DGKG: variants seen among roughly 807,000 people sequenced by gnomAD.
The protein encoded by DGKG is diacylglycerol kinase gamma.
Under a neutral mutation model 105.3 loss-of-function variants are expected in DGKG, and 78 were observed. The ratio of observed to expected loss-of-function variants is 0.74; its 90% CI spans 0.62 to 0.89. DGKG has a LOEUF of 0.89. Ranked by LOEUF, DGKG falls within the 40% of genes least tolerant of loss-of-function variation. The pLI, the probability that DGKG is intolerant of heterozygous loss-of-function variation, is 0.00. For missense variants in DGKG, 958 were observed against 1,020.1 expected (o/e 0.94, Z 0.83); for synonymous variants, 346 against 367.1 (o/e 0.94, Z 0.66).
intron 1 of DGKG, among the ~76,000 whole-genome samples, chr3:186,334,440 C>T (rs1174345963): frequency 6.6e-6 from 1 of 151,986 alleles, no homozygotes; most frequent in African/African-American, 2.4e-5. Flanking sequence ...GCCTCTTCCT[C>T]CACCAACCAG....
At position 186,306,952 on chromosome 3, in the gene DGKG, G is replaced by C. The variant is rs770499459; in HGVS notation, c.93C>G (p.Ala31=). ...TCCCACCCTCATTAAATTCAGTCAAGGCATCTTTTATCTTCTTGGAGGAAT... is the reference window on the plus strand; with the variant it reads ...TCCCACCCTCATTAAATTCAGTCAACGCATCTTTTATCTTCTTGGAGGAAT... ...SEYSSKKIKD[A]LTEFNEGGSL... is the part of the protein sequence containing the mutation. The change falls in exon 3 of 25, where the codon GCC becomes GCG. Residue 31 remains alanine, a synonymous_variant. Coordinates refer to ENST00000265022, the MANE Select transcript of DGKG (RefSeq NM_001346.3). 12 of 1,612,812 alleles carry C rather than the reference G, an allele frequency of 7.4e-6. 1 individual carries two copies. In the South Asian group the frequency reaches 1.3e-4, roughly 18 times the overall value.
intron 17 of DGKG, among the ~76,000 whole-genome samples, chr3:186,256,532 C>T (rs765886052): frequency 1.3e-5 from 2 of 152,224 alleles, no homozygotes; most frequent in Non-Finnish European, 2.9e-5. Context: ...ACTGATCTCC[C>T]CGCTTCTGCC....
chr3:186,334,521 C>T (rs866273105), intron 1 of DGKG, among the ~76,000 whole-genome samples: 3 of 152,350 alleles, frequency 2.0e-5, no homozygotes, highest in African/African-American at 7.2e-5. Flanking sequence ...GGTGCATACA[C>T]CTCATGCCTA....
intron 1 of DGKG, among the ~76,000 whole-genome samples, chr3:186,336,354 A>G (rs1368871755): frequency 6.6e-6 from 1 of 152,222 alleles, no homozygotes; most frequent in Non-Finnish European, 1.5e-5. Flanking sequence ...ATTAAGAAAA[A>G]GATCCATGCA....
chr3:186,212,433 A>C (rs539440441), intron 20 of DGKG, among the ~76,000 whole-genome samples: 1 of 152,274 alleles, frequency 6.6e-6, no homozygotes, highest in African/African-American at 2.4e-5. Context: ...TTAGATACAG[A>C]CTTGCAGGCA....
intron 1 of DGKG, among the ~76,000 whole-genome samples, chr3:186,333,560 A>ATG (rs1379686801): frequency 6.6e-6 from 1 of 152,150 alleles, no homozygotes; most frequent in African/African-American, 2.4e-5. Flanking sequence ...TCCAATCTGG[A>ATG]TGTGTTTTTC....
intron 5 of DGKG, among the ~76,000 whole-genome samples, chr3:186,295,437 G>A (rs1723503039): frequency 6.6e-6 from 1 of 151,670 alleles, no homozygotes; most frequent in South Asian, 2.1e-4. Context: ...GGGAGGCGGA[G>A]GTCTCAGGGA....
intron 22 of DGKG, among the ~76,000 whole-genome samples, chr3:186,185,380 A>G (rs1302499396): frequency 6.6e-6 from 1 of 152,222 alleles, no homozygotes; most frequent in African/African-American, 2.4e-5. Flanking sequence ...TTTGGGGAAG[A>G]GAGTTCCTGT....
intron 12 of DGKG, 88 bp downstream of exon 12, chr3:186,268,713 C>T (rs765094653): frequency 4.3e-6 from 4 of 937,372 alleles, no homozygotes; most frequent in Non-Finnish European, 6.8e-6. Flanking sequence ...TTGCTCATGC[C>T]CTCTGGCCGG....
At chr3:186,311,070 C>T (rs1724518438) in intron 2 of DGKG, among the ~76,000 whole-genome samples, 1 of 152,184 alleles carries the variant, frequency 6.6e-6, no homozygotes, top group East Asian at 1.9e-4. Flanking sequence ...ATGAAAGTGG[C>T]TCTCAAACCT....
rs565831184 is a variant in DGKG at position 186,305,659 on chromosome 3, G to C, written c.144+1242C>G. 4.6e-5 allele frequency among the ~76,000 whole-genome samples: 7 copies of C among 152,298 alleles called. No homozygotes were observed. The East Asian group carries it at 1.2e-3, about 25-fold the overall frequency. On this transcript the variant is annotated intron_variant, in intron 3 of 24. Transcript: ENST00000265022. ...CAGGGAGATGAGTTAGGAGACTCTTGCAATAATCTGGGCAAAATATGGTGA... is the reference window on the plus strand; with the variant it reads ...CAGGGAGATGAGTTAGGAGACTCTTCCAATAATCTGGGCAAAATATGGTGA...
At chr3:186,259,138 A>T (rs909268582) in intron 16 of DGKG, among the ~76,000 whole-genome samples, 1 of 152,196 alleles carries the variant, frequency 6.6e-6, no homozygotes, top group Non-Finnish European at 1.5e-5. Context: ...TTCTGAACAG[A>T]CGCTCCCTCC....
At chr3:186,310,357 A>G (rs1724482910) in intron 2 of DGKG, among the ~76,000 whole-genome samples, 1 of 151,478 alleles carries the variant, frequency 6.6e-6, no homozygotes, top group Non-Finnish European at 1.5e-5. Flanking sequence ...TACTCATCAC[A>G]CATTTACTTC....
intron 21 of DGKG, among the ~76,000 whole-genome samples, chr3:186,199,174 C>A (rs956945841): frequency 6.2e-4 from 94 of 152,266 alleles, no homozygotes; most frequent in African/African-American, 2.3e-3. Flanking sequence ...TTATCTGGAT[C>A]TCTTGACCTC....
intron 21 of DGKG, among the ~76,000 whole-genome samples, chr3:186,206,865 T>A (rs1718770091): frequency 6.6e-6 from 1 of 152,150 alleles, no homozygotes. Context: ...TTCTCCTGCC[T>A]CAGCCCCCCG....
chr3:186,349,232 C>A (rs537013558), intron 1 of DGKG, among the ~76,000 whole-genome samples: 1 of 151,974 alleles, frequency 6.6e-6, no homozygotes, highest in Non-Finnish European at 1.5e-5. Flanking sequence ...TTTTTCTTTT[C>A]CTGAAAAATT....
At chr3:186,307,237 G>C (rs1488498773) in intron 2 of DGKG, among the ~76,000 whole-genome samples, 10 of 152,120 alleles carry the variant, frequency 6.6e-5, no homozygotes, top group South Asian at 2.1e-4. Context: ...AGGGCTTTCT[G>C]TTCCCCCAGG....
At chr3:186,272,103 G>T in intron 11 of DGKG, 152 bp downstream of exon 11, 1 of 624,816 alleles carries the variant, frequency 1.6e-6, no homozygotes, top group Non-Finnish European at 2.9e-6. Flanking sequence ...TGAATGGATG[G>T]ATGGATGAAC....
chr3:186,153,190 T>C (rs151046805), intron 24 of DGKG, among the ~76,000 whole-genome samples: 1 of 152,212 alleles, frequency 6.6e-6, no homozygotes, highest in Non-Finnish European at 1.5e-5. Flanking sequence ...TGGATTCTAT[T>C]ACTATAGAAC....
Sources: allele counts gnomAD v4.1 joint callset (sites outside exome capture counted in the v4.1 genomes callset), GRCh38; gene constraint gnomAD v4.1.1; transcripts MANE v1.5; gene names NCBI Gene and HGNC (gene_info 2026-07-23, HGNC 2026-07-21).